DPP6: variants seen among roughly 807,000 people sequenced by gnomAD.
DPP6 encodes the protein dipeptidyl peptidase like 6.
DPP6 carries 69 observed loss-of-function variants against 122.6 expected under a neutral mutation model. The ratio of observed to expected loss-of-function variants is 0.56; its 90% CI spans 0.46 to 0.69. DPP6 has a LOEUF of 0.69. DPP6 is among the 30% of genes least tolerant of loss of function. The pLI, the probability that DPP6 is intolerant of heterozygous loss-of-function variation, is 0.00. For missense variants in DPP6, 928 were observed against 1,116.9 expected, an observed-to-expected ratio of 0.83 and a Z score of 2.41; for synonymous variants, 418 against 433.1, an observed-to-expected ratio of 0.97 and a Z score of 0.43.
At chr7:154,279,840 A>C (rs1230041789) in intron 1 of DPP6, among the ~76,000 whole-genome samples, 1 of 152,208 alleles carries the variant, frequency 6.6e-6, no homozygotes, top group Non-Finnish European at 1.5e-5. Flanking sequence ...AAACCCACAC[A>C]CAATTACTGC....
chr7:154,574,200 A>G (rs1831302943), intron 5 of DPP6, among the ~76,000 whole-genome samples: 1 of 150,478 alleles, frequency 6.6e-6, no homozygotes, highest in East Asian at 2.0e-4. Flanking sequence ...GTGTGTGTGT[A>G]TGTGTGTGGG....
the DPP6 span, among the ~76,000 whole-genome samples, chr7:153,841,210 TC>T: frequency 6.6e-6 from 1 of 152,202 alleles, no homozygotes; most frequent in Non-Finnish European, 1.5e-5. Flanking sequence ...AGAAATGAAT[TC>T]CCAGGCTTCA....
the DPP6 span, among the ~76,000 whole-genome samples, chr7:153,789,640 G>A: frequency 6.6e-6 from 1 of 152,138 alleles, no homozygotes; most frequent in African/African-American, 2.4e-5. Flanking sequence ...TTGTATTGAT[G>A]AGAGAAAGAA....
chr7:154,748,943 A>C (rs1360773269), intron 8 of DPP6, among the ~76,000 whole-genome samples: 1 of 152,192 alleles, frequency 6.6e-6, no homozygotes, highest in East Asian at 1.9e-4. Flanking sequence ...TCGGAAAATC[A>C]AGTGAATAAA....
At chr7:154,482,654 G>A (rs1436125191) in intron 3 of DPP6, among the ~76,000 whole-genome samples, 1 of 152,184 alleles carries the variant, frequency 6.6e-6, no homozygotes, top group Admixed American at 6.5e-5. Flanking sequence ...TCTCATGGCA[G>A]TAAGTATACA....
chr7:154,165,353 C>T (rs59841320), intron 1 of DPP6, among the ~76,000 whole-genome samples: 2,222 of 122,692 alleles, frequency 0.018, 71 homozygotes, highest in African/African-American at 0.049. Flanking sequence ...TTTTTATGAC[C>T]GCATAGTATT....
At chr7:154,353,314 T>G (rs1811023234) in intron 1 of DPP6, among the ~76,000 whole-genome samples, 1 of 152,304 alleles carries the variant, frequency 6.6e-6, no homozygotes, top group African/African-American at 2.4e-5. Context: ...ACTACAGTTG[T>G]TCTGAATCTT....
chr7:154,715,073 T>C (rs1377040631), intron 7 of DPP6, among the ~76,000 whole-genome samples: 2 of 152,208 alleles, frequency 1.3e-5, no homozygotes, highest in Non-Finnish European at 2.9e-5. Flanking sequence ...TTTTATTTTA[T>C]TTTATTTTTT....
chr7:154,197,199 C>T (rs1798913596), intron 1 of DPP6, among the ~76,000 whole-genome samples: 1 of 151,630 alleles, frequency 6.6e-6, no homozygotes, highest in South Asian at 2.1e-4. Flanking sequence ...TAGCAGTGAA[C>T]TTGGGTGTGG....
At chr7:154,585,996 G>T (rs1237746138) in intron 5 of DPP6, among the ~76,000 whole-genome samples, 2 of 152,136 alleles carry the variant, frequency 1.3e-5, no homozygotes. Context: ...CCCCCTAAGT[G>T]CAGGCTTGAG....
the DPP6 span, among the ~76,000 whole-genome samples, chr7:153,772,283 C>G: frequency 6.6e-6 from 1 of 152,158 alleles, no homozygotes; most frequent in Non-Finnish European, 1.5e-5. Flanking sequence ...GGTGTTTCAC[C>G]ATGTTGGCCA....
chr7:154,113,872 T>C (rs1448563610), intron 1 of DPP6, among the ~76,000 whole-genome samples: 2 of 152,190 alleles, frequency 1.3e-5, no homozygotes, highest in Non-Finnish European at 2.9e-5. Context: ...GCACTAACTA[T>C]AATGGTGAAA....
chr7:154,313,393 A>G (rs142502126), intron 1 of DPP6, among the ~76,000 whole-genome samples: 3 of 152,068 alleles, frequency 2.0e-5, no homozygotes, highest in African/African-American at 7.2e-5. Context: ...TTTTGAAAGC[A>G]TACAATGGAA....
At chr7:154,329,501 T>C (rs1808731171) in intron 1 of DPP6, among the ~76,000 whole-genome samples, 1 of 152,230 alleles carries the variant, frequency 6.6e-6, no homozygotes, top group Non-Finnish European at 1.5e-5. Flanking sequence ...CTCACGCCAG[T>C]TAGAATGGCG....
At chr7:154,560,482 G>A (rs1830350515) in intron 4 of DPP6, among the ~76,000 whole-genome samples, 2 of 152,146 alleles carry the variant, frequency 1.3e-5, no homozygotes, top group Non-Finnish European at 2.9e-5. Flanking sequence ...ATGCCTACAA[G>A]CTCCCCTTAA....
intron 5 of DPP6, among the ~76,000 whole-genome samples, chr7:154,586,210 G>A (rs529740412): frequency 1.2e-4 from 18 of 152,148 alleles, no homozygotes; most frequent in Admixed American, 2.6e-4. Flanking sequence ...TGTTGAGACC[G>A]GGCACAGTGA....
chr7:154,797,904 G>T (rs1397729977), intron 12 of DPP6, among the ~76,000 whole-genome samples: 2 of 152,220 alleles, frequency 1.3e-5, no homozygotes, highest in Non-Finnish European at 2.9e-5. Flanking sequence ...CATTGTGCAG[G>T]CTACGAGGGT....
At chr7:154,239,334 C>A (rs555319216) in intron 1 of DPP6, among the ~76,000 whole-genome samples, 1 of 152,134 alleles carries the variant, frequency 6.6e-6, no homozygotes, top group African/African-American at 2.4e-5. Flanking sequence ...CGGGTTTGAA[C>A]GGAGCAGTTC....
At chr7:154,372,589 G>A (rs2151123100) in intron 1 of DPP6, among the ~76,000 whole-genome samples, 1 of 152,310 alleles carries the variant, frequency 6.6e-6, no homozygotes, top group South Asian at 2.1e-4. Context: ...GTCCAGAGAT[G>A]CTTTTTTAAA....
Sources: gnomAD v4.1 joint callset for allele counts (sites outside exome capture counted in the v4.1 genomes callset) on GRCh38, gnomAD v4.1.1 for gene constraint, MANE v1.5 for transcripts, NCBI Gene and HGNC (gene_info 2026-07-23, HGNC 2026-07-21) for gene names.